Variants in TMEM163 observed in about 807,000 individuals in gnomAD.
TMEM163 encodes transmembrane protein 163.
In TMEM163, 17 loss-of-function variants were observed where a neutral mutation model predicts 29.3. The observed-to-expected ratio is 0.58, with a 90% CI of 0.40 to 0.87. TMEM163 has a LOEUF of 0.87. Ranked by LOEUF, TMEM163 falls within the 40% of genes least tolerant of loss-of-function variation. The pLI is 0.00. For synonymous variants in TMEM163, 157 were observed against 160.6 expected (o/e 0.98, Z 0.17); for missense variants, 303 against 381.5 (o/e 0.79, Z 1.71).
At chr2:134,610,965 G>A (rs986253579) in intron 2 of TMEM163, among the ~76,000 whole-genome samples, 5 of 151,948 alleles carry the variant, frequency 3.3e-5, no homozygotes, top group African/African-American at 1.2e-4. Context: ...TGAAGAGACG[G>A]GTCAGCAGCA....
At chr2:134,616,920 A>G (rs934616472) in intron 2 of TMEM163, among the ~76,000 whole-genome samples, 3 of 152,258 alleles carry the variant, frequency 2.0e-5, no homozygotes, top group African/African-American at 4.8e-5. Context: ...TGTAGTTAGC[A>G]TACTTGCTTT....
rs992552454 is a variant in TMEM163 at position 134,460,808 on chromosome 2, G to A, written c.668-2635C>T. Reference sequence around the variant, plus strand: ...ACAGCAGGTCCACCAGGTGTTCCCCGACACCCCACAGCTGAGAGGCTGGTG... The same window carrying A: ...ACAGCAGGTCCACCAGGTGTTCCCCAACACCCCACAGCTGAGAGGCTGGTG... On this transcript the variant is annotated intron_variant, in intron 6 of 7. Transcript: ENST00000281924. This position sits in a 1 kb window ranked among gnomAD's most constrained non-coding sequence, Gnocchi z 4.3. Among the ~76,000 whole-genome samples, 2 of 152,186 alleles carry A rather than the reference G, an allele frequency of 1.3e-5. No individual in the cohort carries two copies. The highest frequency in any genetic ancestry group is 1.9e-4 in the East Asian group (1 of 5,200).
At chr2:134,588,679 G>A (rs1681872772) in intron 2 of TMEM163, among the ~76,000 whole-genome samples, 1 of 152,182 alleles carries the variant, frequency 6.6e-6, no homozygotes. Flanking sequence ...AAACTAATAG[G>A]AGGTATGCAT....
intron 7 of TMEM163, among the ~76,000 whole-genome samples, 182 bp downstream of exon 7, chr2:134,457,850 G>GAT (rs1686434700): frequency 6.6e-6 from 1 of 152,200 alleles, no homozygotes; most frequent in Non-Finnish European, 1.5e-5. Context: ...TTCTGTGCCA[G>GAT]CCCCAAGGAT....
At chr2:134,565,451 C>T (rs1558947219) in intron 2 of TMEM163, among the ~76,000 whole-genome samples, 3 of 151,944 alleles carry the variant, frequency 2.0e-5, no homozygotes, top group African/African-American at 7.2e-5. Flanking sequence ...ACTGAAAATA[C>T]AAAAATTAGC....
intron 4 of TMEM163, among the ~76,000 whole-genome samples, chr2:134,530,848 A>C (rs1291663903): frequency 6.6e-6 from 1 of 152,214 alleles, no homozygotes; most frequent in Admixed American, 6.5e-5. Flanking sequence ...AAAATTCCTC[A>C]ACACATACCC....
At chr2:134,469,250 G>T (rs1340377498) in intron 5 of TMEM163, 4 of 152,166 alleles carry the variant, frequency 2.6e-5, no homozygotes, top group Non-Finnish European at 4.4e-5. Context: ...GCTTCATCTC[G>T]GGGGAGCTCT....
chr2:134,529,586 C>CA (rs1001921866), intron 4 of TMEM163, among the ~76,000 whole-genome samples: 7 of 151,286 alleles, frequency 4.6e-5, no homozygotes, highest in African/African-American at 1.5e-4. Context: ...CCTATCTCTA[C>CA]AAAAAAAAGT....
chr2:134,536,355 C>G (rs915872744), intron 4 of TMEM163, among the ~76,000 whole-genome samples: 1 of 152,148 alleles, frequency 6.6e-6, no homozygotes, highest in Non-Finnish European at 1.5e-5. Context: ...TGTGAGACAC[C>G]CCGGTGGCAG....
intron 2 of TMEM163, among the ~76,000 whole-genome samples, chr2:134,659,642 G>T (rs1190245210): frequency 6.6e-6 from 1 of 152,200 alleles, no homozygotes; most frequent in African/African-American, 2.4e-5. Flanking sequence ...ACAAGTCCTT[G>T]CCCTGTCCTC....
chr2:134,709,747 G>C (rs982832962), intron 2 of TMEM163, among the ~76,000 whole-genome samples: 4 of 152,182 alleles, frequency 2.6e-5, no homozygotes, highest in African/African-American at 9.7e-5. Context: ...GGACTTGGAG[G>C]TGCCTCACTG....
At chr2:134,542,261 G>A (rs1169267753) in intron 4 of TMEM163, among the ~76,000 whole-genome samples, 3 of 152,204 alleles carry the variant, frequency 2.0e-5, no homozygotes, top group Admixed American at 1.3e-4. Context: ...TCACCATTAC[G>A]CCACTTGGCA....
intron 2 of TMEM163, among the ~76,000 whole-genome samples, chr2:134,579,216 CT>C (rs1681634803): frequency 6.6e-6 from 1 of 152,164 alleles, no homozygotes; most frequent in Non-Finnish European, 1.5e-5. Flanking sequence ...CCCATTAGAA[CT>C]TTTGATGCAA....
At position 134,660,500 on chromosome 2, in the gene TMEM163, TCA is replaced by T. The variant is rs112661482; in HGVS notation, c.322+52698_322+52699del. On this transcript the variant is annotated intron_variant, in intron 2 of 7. Coordinates refer to ENST00000281924, the MANE Select transcript of TMEM163 (RefSeq NM_030923.5). ...AATCAAGAGTGTCATAGGTAGAAGC[TCA>T]GAGATCACTTTGAAAGGAAACTTTT... Among the ~76,000 whole-genome samples the T allele has an allele frequency of 1.1e-3, 173 of 152,326 alleles. 1 individual carries two copies. The highest frequency in any genetic ancestry group is 3.8e-3 in the African/African-American group (160 of 41,560).
At chr2:134,649,037 A>G (rs1318190933) in intron 2 of TMEM163, among the ~76,000 whole-genome samples, 3 of 152,354 alleles carry the variant, frequency 2.0e-5, no homozygotes, top group Middle Eastern at 6.8e-3. Flanking sequence ...AGAACACTGG[A>G]GACATAATTC....
At chr2:134,515,139 G>A (rs543353057) in intron 4 of TMEM163, among the ~76,000 whole-genome samples, 19 of 152,198 alleles carry the variant, frequency 1.2e-4, no homozygotes, top group African/African-American at 1.9e-4. Context: ...TTGCCTGTCC[G>A]AATGATAACA....
intron 4 of TMEM163, among the ~76,000 whole-genome samples, chr2:134,516,681 A>ATATTCATATG (rs1553476286): frequency 7.6e-6 from 1 of 131,128 alleles, no homozygotes; most frequent in Non-Finnish European, 1.7e-5. Flanking sequence ...AGTCATACAT[A>ATATTCATATG]TATGCATATA....
chr2:134,615,651 C>G lies in TMEM163; in HGVS notation c.323-63560G>C, dbSNP rs914933752. ...AGATCAGCTGCAAACAAGAGCAGAG[C>G]TTTTTTTTTTTTTTTTTTTTTTTGA... On this transcript the variant is annotated intron_variant, in intron 2 of 7. Coordinates refer to ENST00000281924, the MANE Select transcript of TMEM163 (RefSeq NM_030923.5). Among the ~76,000 whole-genome samples, 4 of 79,162 alleles carry G rather than the reference C, an allele frequency of 5.1e-5. No homozygotes were observed. The East Asian group carries it at 9.4e-4, about 19-fold the overall frequency. The allele number at this position is 79,162 out of a possible 152,430, so 51.9% of individuals were successfully genotyped here.
intron 5 of TMEM163, among the ~76,000 whole-genome samples, chr2:134,492,678 C>T (rs536137487): frequency 3.9e-5 from 6 of 152,250 alleles, no homozygotes; most frequent in African/African-American, 7.2e-5. Context: ...TCACCGCATG[C>T]GTCAGTAGTG....
Sources: allele counts gnomAD v4.1 joint callset (sites outside exome capture counted in the v4.1 genomes callset), GRCh38; gene constraint gnomAD v4.1.1; non-coding constraint Gnocchi (gnomAD v3.1); transcripts MANE v1.5; gene names NCBI Gene and HGNC (gene_info 2026-07-23, HGNC 2026-07-21).